PICALM: variants seen among roughly 807,000 people sequenced by gnomAD.
The protein encoded by PICALM is phosphatidylinositol binding clathrin assembly protein, also known as phosphatidylinositol-binding clathrin assembly protein.
A neutral mutation model predicts 80.5 loss-of-function variants in PICALM; 40 were observed. That is an observed-to-expected ratio of 0.50 (90% CI 0.39 to 0.65). The LOEUF (loss-of-function observed/expected upper bound fraction) is 0.65. Ranked by LOEUF, PICALM falls within the 30% of genes least tolerant of loss-of-function variation. The pLI is 0.00. For synonymous variants in PICALM, 288 were observed against 260.3 expected (o/e 1.11, Z -1.02); for missense variants, 676 against 778.9 (o/e 0.87, Z 1.57).
intron 6 of PICALM, among the ~76,000 whole-genome samples, chr11:86,011,701 G>A (rs1426349970): frequency 1.3e-5 from 2 of 152,042 alleles, no homozygotes; most frequent in East Asian, 1.9e-4. Context: ...CGTTACTTCA[G>A]ACTATAAAAA....
Position 85,981,246 on chromosome 11 carries a change from T to A in PICALM, c.1680-18A>T. On this transcript the variant is annotated intron_variant, in intron 16 of 19. Coordinates refer to ENST00000393346, the MANE Select transcript of PICALM (RefSeq NM_007166.4). ...TTACATCACTTTAAATAAACATAAG[T>A]GAGAATATTAAATGTCTCTAATTAT... 7.9e-7 allele frequency: 1 copy of A among 1,266,940 alleles called. No individual in the cohort carries two copies. Among genetic ancestry groups the A allele is most frequent in the Non-Finnish European group, 1.2e-6 (1 of 863,992 alleles). 78.5% of individuals were successfully genotyped at this position (1,266,940 alleles called of 1,614,324 possible). A position where few individuals can be genotyped will look rare whatever the true frequency, so the allele number is the denominator to read the frequency against.
At chr11:86,069,538 G>T (rs189946512), upstream of PICALM, 701 of 152,496 alleles carry the variant, frequency 4.6e-3, 3 homozygotes, top group African/African-American at 0.016. Flanking sequence ...TTCCCCTGAA[G>T]TGGGGGGTAT....
intron 3 of PICALM, chr11:86,023,294 G>T: frequency 4.5e-6 from 1 of 220,350 alleles, no homozygotes; most frequent in Non-Finnish European, 7.7e-6. Context: ...AAACTAACTG[G>T]ATTTCAACAT....
At chr11:86,021,182 T>C (rs2136480868) in intron 4 of PICALM, among the ~76,000 whole-genome samples, 1 of 152,218 alleles carries the variant, frequency 6.6e-6, no homozygotes, top group South Asian at 2.1e-4. Context: ...AACTCATTTG[T>C]ATGAAAATTT....
chr11:86,060,530 G>C (rs979816002), intron 1 of PICALM, among the ~76,000 whole-genome samples: 1 of 152,050 alleles, frequency 6.6e-6, no homozygotes, highest in African/African-American at 2.4e-5. Context: ...AGTGGTTCTT[G>C]AAAGAATAAA....
At position 85,981,150 on chromosome 11, in the gene PICALM, G is replaced by A. The variant is rs12295435; in HGVS notation, c.1758C>T (p.Thr586=). 8,661 of 1,594,624 alleles carry A rather than the reference G, an allele frequency of 5.4e-3. 429 individuals carry two copies. In the African/African-American group the frequency reaches 0.1, roughly 19 times the overall value. ...SNWQPKVAPT[T]AWNAATMAPP... ...TCACCATTGTTGCAGCATTCCAAGC[G>A]GTTGTTGGTGCAACCTTTGGTTGCC... Residue 586 remains threonine, a synonymous_variant, in exon 17 of 20, where the codon ACC becomes ACT. Transcript: ENST00000393346.
At chr11:86,053,362 T>C (rs543576409) in intron 1 of PICALM, among the ~76,000 whole-genome samples, 1 of 152,360 alleles carries the variant, frequency 6.6e-6, no homozygotes, top group East Asian at 1.9e-4. Context: ...AATCAGACTA[T>C]GTCTGGATGT....
chr11:86,030,815 G>A (rs1488682061), intron 2 of PICALM, among the ~76,000 whole-genome samples: 2 of 152,104 alleles, frequency 1.3e-5, no homozygotes, highest in Non-Finnish European at 2.9e-5. Flanking sequence ...AACTATATGA[G>A]ATCAGACAAG....
chr11:85,978,205 A>C (rs577876060), intron 17 of PICALM: 79 of 834,728 alleles, frequency 9.5e-5, no homozygotes, highest in South Asian at 3.7e-4. Flanking sequence ...ACATTCACTA[A>C]CTACCTAAAA....
chr11:85,966,516 C>A (rs576432889), intron 19 of PICALM, among the ~76,000 whole-genome samples: 1 of 149,964 alleles, frequency 6.7e-6, no homozygotes, highest in Admixed American at 6.7e-5. Flanking sequence ...CAAAGTAATA[C>A]CACAATTTTA....
chr11:86,064,023 CATAAGAT>C (rs1442949971), intron 1 of PICALM, among the ~76,000 whole-genome samples: 5 of 152,126 alleles, frequency 3.3e-5, no homozygotes, highest in African/African-American at 4.8e-5. Flanking sequence ...ACTAAGCACC[CATAAGAT>C]ATTATTAACT....
At chr11:86,029,922 A>G (rs1465478970) in intron 2 of PICALM, among the ~76,000 whole-genome samples, 1 of 152,178 alleles carries the variant, frequency 6.6e-6, no homozygotes, top group Non-Finnish European at 1.5e-5. Context: ...AAGTCCTAAA[A>G]ATGGTCATGT....
chr11:86,055,262 G>A (rs528960433), intron 1 of PICALM, among the ~76,000 whole-genome samples: 7 of 151,554 alleles, frequency 4.6e-5, no homozygotes, highest in East Asian at 3.9e-4. Flanking sequence ...CTCAGGAGGC[G>A]GAGGTTGCAG....
chr11:86,069,396 G>A (rs1021573874), upstream of PICALM: 3 of 154,178 alleles, frequency 1.9e-5, no homozygotes, highest in Admixed American at 6.5e-5. Context: ...GAGAGGAATG[G>A]CGAGGGCGGT....
At position 86,011,851 on chromosome 11, in the gene PICALM, G is replaced by GT. The variant is rs71040204; in HGVS notation, c.658+429dup. On this transcript the variant is annotated intron_variant, in intron 6 of 19. Transcript: ENST00000393346. ...TAACATAAAACTTACTATCCTTTTT[G>GT]TTTTTTTTTTTTTTTTGAAACTGAG... is the stretch of plus-strand genomic sequence containing the variant. 7.4e-3 allele frequency among the ~76,000 whole-genome samples: 987 copies of GT among 132,888 alleles called. 6 individuals carry two copies. The highest frequency in any genetic ancestry group is 0.017 in the African/African-American group (603 of 36,478). The allele number at this position is 132,888 out of a possible 152,430, so 87.2% of individuals were successfully genotyped here.
chr11:85,966,341 A>C (rs1009273266), intron 19 of PICALM, among the ~76,000 whole-genome samples: 2 of 152,066 alleles, frequency 1.3e-5, no homozygotes, highest in African/African-American at 4.8e-5. Context: ...AAAAGTGTTG[A>C]TATCACAGGT....
chr11:86,049,252 C>A (rs987625056), intron 1 of PICALM, among the ~76,000 whole-genome samples: 2 of 152,122 alleles, frequency 1.3e-5, no homozygotes, highest in African/African-American at 4.8e-5. Context: ...CACTGCACTG[C>A]AGCCTGGGTG....
chr11:86,009,653 T>C (rs368027395), intron 7 of PICALM, among the ~76,000 whole-genome samples: 4 of 152,110 alleles, frequency 2.6e-5, no homozygotes, highest in Non-Finnish European at 4.4e-5. Context: ...GATTGCGCCA[T>C]TGCACTCCAG....
chr11:86,036,926 A>C (rs1352495184), intron 1 of PICALM, among the ~76,000 whole-genome samples: 1 of 136,406 alleles, frequency 7.3e-6, no homozygotes, highest in African/African-American at 2.9e-5. Context: ...ACACAGGGAG[A>C]TCCTGTCTCA....
Sources: allele counts gnomAD v4.1 joint callset (sites outside exome capture counted in the v4.1 genomes callset), GRCh38; gene constraint gnomAD v4.1.1; transcripts MANE v1.5; gene names NCBI Gene and HGNC (gene_info 2026-07-23, HGNC 2026-07-21).